The following RBFOX1 variants were observed in gnomAD, a reference collection of about 807,000 sequenced individuals.
RBFOX1 encodes RNA binding fox-1 homolog 1, also known as RNA binding protein fox-1 homolog 1.
RBFOX1 carries 8 observed loss-of-function variants against 57.7 expected under a neutral mutation model. That is an observed-to-expected ratio of 0.14 (90% CI 0.08 to 0.25). The LOEUF (loss-of-function observed/expected upper bound fraction) is 0.25, where lower values mean the gene tolerates loss of function less well. RBFOX1 is among the 10% of genes least tolerant of loss of function. The pLI is 1.00. For missense variants in RBFOX1, 611 were observed against 548.5 expected, an observed-to-expected ratio of 1.11 and a Z score of -1.14; for synonymous variants, 326 against 222.4, an observed-to-expected ratio of 1.47 and a Z score of -4.15.
intron 2 of RBFOX1, among the ~76,000 whole-genome samples, chr16:6,632,503 A>G (rs896566826): frequency 7.9e-5 from 12 of 152,204 alleles, no homozygotes; most frequent in Non-Finnish European, 1.5e-4. Context: ...GCTGTTATCC[A>G]TGTGCAGAAT....
chr16:5,689,796 A>T (rs568751702), intron 3 of RBFOX1, among the ~76,000 whole-genome samples: 1 of 86,194 alleles, frequency 1.2e-5, no homozygotes, highest in African/African-American at 2.7e-5. Flanking sequence ...TTTAATAAGA[A>T]ATACAGACCA....
intron 3 of RBFOX1, among the ~76,000 whole-genome samples, chr16:5,768,000 C>T (rs2053846904): frequency 6.6e-6 from 1 of 152,116 alleles, no homozygotes; most frequent in Non-Finnish European, 1.5e-5. Flanking sequence ...AGTCGGGCCA[C>T]CCATCAGAAT....
At chr16:5,277,620 A>C (rs2063173957) in intron 1 of RBFOX1, among the ~76,000 whole-genome samples, 1 of 152,080 alleles carries the variant, frequency 6.6e-6, no homozygotes, top group African/African-American at 2.4e-5. Flanking sequence ...CCATGACATC[A>C]ATTTTATATA....
At chr16:6,638,201 A>G (rs1249307084) in intron 2 of RBFOX1, among the ~76,000 whole-genome samples, 1 of 152,192 alleles carries the variant, frequency 6.6e-6, no homozygotes, top group Non-Finnish European at 1.5e-5. Context: ...AGGTTCTGAA[A>G]GGAAACTTGG....
At chr16:7,284,120 C>G (rs2141268073) in intron 4 of RBFOX1, among the ~76,000 whole-genome samples, 2 of 152,292 alleles carry the variant, frequency 1.3e-5, no homozygotes, top group Admixed American at 1.3e-4. Context: ...GTTCCTTCTT[C>G]CCTTTTATTG....
At chr16:6,139,807 T>A (rs1176939739) in intron 1 of RBFOX1, among the ~76,000 whole-genome samples, 1 of 150,368 alleles carries the variant, frequency 6.7e-6, no homozygotes, top group African/African-American at 2.4e-5. Flanking sequence ...CTGTTCCCCA[T>A]TTTTATCCAA....
chr16:7,071,108 C>G (rs774859339), intron 4 of RBFOX1, among the ~76,000 whole-genome samples: 1 of 152,190 alleles, frequency 6.6e-6, no homozygotes, highest in Non-Finnish European at 1.5e-5. Context: ...TCTGGCTTAA[C>G]ACATTACAAT....
At chr16:7,305,895 C>T (rs2096171417) in intron 4 of RBFOX1, among the ~76,000 whole-genome samples, 1 of 152,238 alleles carries the variant, frequency 6.6e-6, no homozygotes, top group South Asian at 2.1e-4. Flanking sequence ...CTTCATCTTC[C>T]ACAATTTCTG....
intron 4 of RBFOX1, among the ~76,000 whole-genome samples, chr16:7,270,270 A>T (rs2095285613): frequency 6.6e-6 from 1 of 152,210 alleles, no homozygotes; most frequent in Admixed American, 6.5e-5. Flanking sequence ...TCATTGAAGT[A>T]ATTCACACTA....
intron 1 of RBFOX1, among the ~76,000 whole-genome samples, chr16:5,412,570 G>T (rs1339267568): frequency 1.3e-5 from 2 of 152,178 alleles, no homozygotes; most frequent in Non-Finnish European, 2.9e-5. Flanking sequence ...GGATGGGCGT[G>T]AAGACTCCCC....
At chr16:6,422,243 T>TA (rs1038642642) in intron 2 of RBFOX1, among the ~76,000 whole-genome samples, 4 of 150,642 alleles carry the variant, frequency 2.7e-5, no homozygotes, top group Non-Finnish European at 5.9e-5. Context: ...TTTTTTTTTT[T>TA]AACTCAACTT....
chr16:5,877,171 A>G (rs1192971672), intron 4 of RBFOX1, among the ~76,000 whole-genome samples: 1 of 152,244 alleles, frequency 6.6e-6, no homozygotes, highest in Admixed American at 6.5e-5. Context: ...GGCTAGGCTT[A>G]GCGGTTCTAG....
chr16:5,466,928 G>T lies in RBFOX1; in HGVS notation c.220-288G>T, dbSNP rs73528604. On this transcript the variant is annotated intron_variant, in intron 1 of 2. Coordinates refer to the RBFOX1 transcript ENST00000585867. ...ATCATAGGAATTATCATTCTGATCTGATCTTCATTTATTATTAATAGTTAT... is the reference window on the plus strand; with the variant it reads ...ATCATAGGAATTATCATTCTGATCTTATCTTCATTTATTATTAATAGTTAT... Among the ~76,000 whole-genome samples the T allele has an allele frequency of 6.2e-3, 942 of 152,186 alleles. 9 individuals are homozygous for T. The highest frequency in any genetic ancestry group is 0.022 in the African/African-American group (894 of 41,522).
At chr16:6,686,189 G>C (rs145182988) in intron 3 of RBFOX1, among the ~76,000 whole-genome samples, 115 of 152,318 alleles carry the variant, frequency 7.5e-4, no homozygotes, top group African/African-American at 2.6e-3. Flanking sequence ...GATGTAATCA[G>C]ACAGGTTTCC....
At chr16:5,334,078 A>G (rs2064835960) in intron 1 of RBFOX1, among the ~76,000 whole-genome samples, 1 of 150,792 alleles carries the variant, frequency 6.6e-6, no homozygotes, top group African/African-American at 2.5e-5. Flanking sequence ...ACTCTTTCTT[A>G]CAGACTAAGA....
At chr16:5,840,036 A>C (rs1284353916) in intron 3 of RBFOX1, among the ~76,000 whole-genome samples, 3 of 152,238 alleles carry the variant, frequency 2.0e-5, no homozygotes, top group Non-Finnish European at 4.4e-5. Flanking sequence ...CTCTGGAAGT[A>C]GTGACCAAGG....
intron 1 of RBFOX1, among the ~76,000 whole-genome samples, chr16:5,456,064 G>A (rs1460353683): frequency 6.6e-6 from 1 of 151,462 alleles, no homozygotes; most frequent in African/African-American, 2.4e-5. Flanking sequence ...AAATACACAA[G>A]AAGAAATAAA....
intron 1 of RBFOX1, among the ~76,000 whole-genome samples, chr16:6,190,375 T>C (rs1390119468): frequency 6.6e-6 from 1 of 152,196 alleles, no homozygotes; most frequent in Non-Finnish European, 1.5e-5. Context: ...TTATGTAGTG[T>C]CAGGTATGTA....
intron 1 of RBFOX1, among the ~76,000 whole-genome samples, chr16:5,341,456 G>C (rs1369779127): frequency 6.6e-6 from 1 of 152,132 alleles, no homozygotes; most frequent in Admixed American, 6.5e-5. Flanking sequence ...AAAGTGATTG[G>C]ATTGAGGATA....
Sources: gnomAD v4.1 joint callset for allele counts (sites outside exome capture counted in the v4.1 genomes callset) on GRCh38, gnomAD v4.1.1 for gene constraint, MANE v1.5 for transcripts, NCBI Gene and HGNC (gene_info 2026-07-23, HGNC 2026-07-21) for gene names.